The following MYO5B variants were observed in gnomAD, a reference collection of about 807,000 sequenced individuals.
MYO5B encodes myosin VB, also known as unconventional myosin-Vb.
MYO5B carries 143 observed loss-of-function variants against 229.3 expected under a neutral mutation model. That is an observed-to-expected ratio of 0.62 (90% CI 0.54 to 0.72). MYO5B has a LOEUF of 0.72. Among genes scored for constraint, MYO5B ranks in the 30% least tolerant of loss-of-function variants. The pLI, the probability that MYO5B is intolerant of heterozygous loss-of-function variation, is 0.00. For missense variants in MYO5B, 2,321 were observed against 2,331.0 expected (o/e 1.00, Z 0.09); for synonymous variants, 918 against 885.2 (o/e 1.04, Z -0.66).
At chr18:50,077,275 A>G (rs1411354517) in intron 1 of MYO5B, among the ~76,000 whole-genome samples, 1 of 150,972 alleles carries the variant, frequency 6.6e-6, no homozygotes, top group Non-Finnish European at 1.5e-5. Context: ...CGTCTGCTCT[A>G]TGCGTTCAAG....
At chr18:49,937,962 T>C (rs1426077412) in intron 14 of MYO5B, among the ~76,000 whole-genome samples, 1 of 152,138 alleles carries the variant, frequency 6.6e-6, no homozygotes, top group South Asian at 2.1e-4. Flanking sequence ...ACCCAGTGAA[T>C]TGTGTGCTTC....
In MYO5B at chr18:49,823,332, AACT is replaced by A. The variant is rs1482531150; in HGVS notation, c.*3136_*3138del. 2.0e-5 allele frequency: 3 copies of A among 152,278 alleles called. No homozygotes were observed. Among genetic ancestry groups the A allele is most frequent in the African/African-American group, 4.8e-5 (2 of 41,480 alleles). The allele number at this position is 152,278 out of a possible 1,614,324, so 9.4% of individuals were successfully genotyped here. A position where few individuals can be genotyped will look rare whatever the true frequency, so the allele number is the denominator to read the frequency against. ...AACTGACCACAAATATTCTGTGAAG[AACT>A]ACAAGGTCTTGCCCCATGCTGTCCC... On this transcript the variant is annotated 3_prime_UTR_variant, in exon 40 of 40. Coordinates refer to ENST00000285039, the MANE Select transcript of MYO5B (RefSeq NM_001080467.3).
At chr18:49,873,913 G>A (rs2024486627) in intron 26 of MYO5B, among the ~76,000 whole-genome samples, 4 of 152,154 alleles carry the variant, frequency 2.6e-5, no homozygotes, top group Admixed American at 2.6e-4. Flanking sequence ...ACATCCCATG[G>A]GCTTCCCTGC....
At chr18:49,915,599 CTG>C (rs1385104168) in intron 17 of MYO5B, among the ~76,000 whole-genome samples, 5 of 152,234 alleles carry the variant, frequency 3.3e-5, no homozygotes, top group Non-Finnish European at 7.3e-5. Flanking sequence ...AGTGGAAAGA[CTG>C]TGAACCAAAC....
In MYO5B at chr18:49,980,553, C is replaced by T. The variant is rs971419104; in HGVS notation, c.947G>A (p.Gly316Glu). Residue 316 changes from glycine (G) to glutamate (E), a missense_variant and splice_region_variant, in exon 9 of 40, where the codon GGA becomes GAA. This residue lies in a region of MYO5B where 2,113 missense variants were observed against 2,044.7 expected (regional missense o/e 1.03). Coordinates refer to ENST00000285039, the MANE Select transcript of MYO5B (RefSeq NM_001080467.3). ...GCTCATCTGATGGGACTCTTTCACT[C>T]CTGGAAAAGAAAAATGAATGGATGA... Reference protein sequence around the residue: ...EKTRQAFTLLGVKESHQMSIF... With the variant: ...EKTRQAFTLLEVKESHQMSIF... 8 of 1,599,842 alleles carry T rather than the reference C, an allele frequency of 5.0e-6. No individual in the cohort carries two copies. Among genetic ancestry groups the T allele is most frequent in the South Asian group, 1.1e-5 (1 of 90,778 alleles).
At chr18:50,070,016 GT>G (rs1161071655) in intron 1 of MYO5B, among the ~76,000 whole-genome samples, 1 of 133,156 alleles carries the variant, frequency 7.5e-6, no homozygotes, top group African/African-American at 3.1e-5. Flanking sequence ...TTGCAATTTA[GT>G]CTTTTTTTTT....
chr18:49,861,453 G>T (rs1304734051), intron 29 of MYO5B, among the ~76,000 whole-genome samples: 3 of 152,088 alleles, frequency 2.0e-5, no homozygotes, highest in African/African-American at 4.8e-5. Context: ...TATCACCTGG[G>T]CTTTTTCTTA....
chr18:49,922,116 C>T (rs1483579961), intron 17 of MYO5B, among the ~76,000 whole-genome samples: 2 of 152,200 alleles, frequency 1.3e-5, no homozygotes, highest in Non-Finnish European at 2.9e-5. Flanking sequence ...TGAAGGTCTC[C>T]TAAAGTCACA....
intron 1 of MYO5B, among the ~76,000 whole-genome samples, chr18:50,056,125 C>T (rs973423649): frequency 1.4e-4 from 22 of 152,274 alleles, no homozygotes; most frequent in Admixed American, 3.3e-4. Context: ...TCACCTTCAC[C>T]AAGTAGCTAT....
At chr18:49,998,708 T>C (rs181824462) in intron 5 of MYO5B, among the ~76,000 whole-genome samples, 133 of 152,344 alleles carry the variant, frequency 8.7e-4, no homozygotes, top group Non-Finnish European at 1.0e-3. Context: ...TATTAATATA[T>C]GCCAAAACAT....
intron 3 of MYO5B, among the ~76,000 whole-genome samples, chr18:50,039,760 C>A (rs1323841265): frequency 6.6e-6 from 1 of 152,042 alleles, no homozygotes; most frequent in African/African-American, 2.4e-5. Context: ...GTGAGAAGAT[C>A]ACAGAAAAGC....
chr18:49,894,346 G>A (rs917137751), intron 22 of MYO5B, among the ~76,000 whole-genome samples: 2 of 152,198 alleles, frequency 1.3e-5, no homozygotes, highest in Non-Finnish European at 2.9e-5. Context: ...GTCTCCAGGG[G>A]CCCTTGGGAC....
intron 1 of MYO5B, among the ~76,000 whole-genome samples, chr18:50,093,334 T>C (rs1432021557): frequency 2.0e-5 from 3 of 152,124 alleles, no homozygotes; most frequent in Non-Finnish European, 4.4e-5. Context: ...CGAGAGCAAC[T>C]TGATCCAGTC....
At chr18:49,925,136 A>G (rs113130348) in intron 17 of MYO5B, among the ~76,000 whole-genome samples, 41 of 152,294 alleles carry the variant, frequency 2.7e-4, no homozygotes, top group African/African-American at 9.1e-4. Context: ...AACAGACTCT[A>G]TATCTGATAA....
chr18:50,141,348 G>A (rs1235590601), intron 1 of MYO5B, among the ~76,000 whole-genome samples: 20 of 152,164 alleles, frequency 1.3e-4, no homozygotes, highest in Non-Finnish European at 2.4e-4. Context: ...TTAAAAATAG[G>A]TATAAATATG....
intron 39 of MYO5B, among the ~76,000 whole-genome samples, chr18:49,833,225 C>T (rs528311841): frequency 1.3e-5 from 2 of 152,274 alleles, no homozygotes; most frequent in Non-Finnish European, 2.9e-5. Flanking sequence ...TCACAGAAAT[C>T]CTCCTGTGAA....
chr18:49,943,098 C>G (rs1388018745), intron 14 of MYO5B, among the ~76,000 whole-genome samples: 3 of 151,684 alleles, frequency 2.0e-5, no homozygotes, highest in Middle Eastern at 6.8e-3. Flanking sequence ...CCATCATTCT[C>G]AGCAAACTAT....
At chr18:49,988,118 G>T (rs554925444) in intron 7 of MYO5B, among the ~76,000 whole-genome samples, 1 of 152,190 alleles carries the variant, frequency 6.6e-6, no homozygotes, top group Non-Finnish European at 1.5e-5. Flanking sequence ...GCCAAGCCAA[G>T]GGGTCTTGCA....
intron 12 of MYO5B, among the ~76,000 whole-genome samples, chr18:49,956,480 G>C (rs1343602634): frequency 6.6e-6 from 1 of 152,202 alleles, no homozygotes; most frequent in Non-Finnish European, 1.5e-5. Flanking sequence ...CCTGACGACA[G>C]AGTTTTAAAG....
Sources: gnomAD v4.1 joint callset for allele counts (sites outside exome capture counted in the v4.1 genomes callset) on GRCh38, gnomAD v4.1.1 for gene constraint, gnomAD v4.1.1 regional missense constraint, MANE v1.5 for transcripts, NCBI Gene and HGNC (gene_info 2026-07-23, HGNC 2026-07-21) for gene names.